CRHR1: variants seen among roughly 807,000 people sequenced by gnomAD.
CRHR1 encodes corticotropin releasing hormone receptor 1.
In CRHR1, 28 loss-of-function variants were observed where a neutral mutation model predicts 56.0. The observed-to-expected ratio is 0.50, with a 90% CI of 0.37 to 0.69. CRHR1 has a LOEUF of 0.69. Ranked by LOEUF, CRHR1 falls within the 30% of genes least tolerant of loss-of-function variation. The pLI, the probability that CRHR1 is intolerant of heterozygous loss-of-function variation, is 0.00. For missense variants in CRHR1, 376 were observed against 548.0 expected (o/e 0.69, Z 3.13); for synonymous variants, 195 against 216.5 (o/e 0.90, Z 0.87).
rs1363364010 is a variant in CRHR1 at position 45,834,806 on chromosome 17, G to T, written c.*42G>T. 21 of 1,611,198 alleles carry T rather than the reference G, an allele frequency of 1.3e-5. No homozygotes were observed. The highest frequency in any genetic ancestry group is 1.5e-5 in the Non-Finnish European group (18 of 1,178,882). Reference sequence around the variant, plus strand: ...GCAGCCCCCAAAGAGCTGTGGCTGGGGGGATGACGGCCAGGCTCCCTGACC... The same window carrying T: ...GCAGCCCCCAAAGAGCTGTGGCTGGTGGGATGACGGCCAGGCTCCCTGACC... On this transcript the variant is annotated 3_prime_UTR_variant, in exon 13 of 13. Coordinates refer to ENST00000314537, the MANE Select transcript of CRHR1 (RefSeq NM_004382.5).
intron 2 of CRHR1, among the ~76,000 whole-genome samples, chr17:45,809,313 GGA>G (rs1397924711): frequency 1.3e-5 from 2 of 152,194 alleles, no homozygotes; most frequent in African/African-American, 4.8e-5. Context: ...TGGAGTTCTA[GGA>G]GAGAGAGATG....
chr17:45,821,310 G>A (rs1384211406), intron 3 of CRHR1, 45 bp from the exon 4 acceptor site: 1 of 1,575,438 alleles, frequency 6.3e-7, no homozygotes, highest in Non-Finnish European at 8.7e-7. Context: ...GTCAGGCAGG[G>A]GCCGGGGCTG....
Position 45,834,936 on chromosome 17 carries a change from C to A in CRHR1, c.*172C>A. The A allele has an allele frequency of 1.1e-6, 1 of 875,642 alleles. No homozygotes were observed. Among genetic ancestry groups the A allele is most frequent in the Non-Finnish European group, 1.7e-6 (1 of 583,984 alleles). 54.2% of individuals were successfully genotyped at this position (875,642 alleles called of 1,614,324 possible). A position where few individuals can be genotyped will look rare whatever the true frequency, so the allele number is the denominator to read the frequency against. ...GCTCTCCCCCTGCAGCCGTGCAGGACTCTAGCTCATGAGTGGAAAGTCACC... is the reference window on the plus strand; with the variant it reads ...GCTCTCCCCCTGCAGCCGTGCAGGAATCTAGCTCATGAGTGGAAAGTCACC... On this transcript the variant is annotated 3_prime_UTR_variant, in exon 13 of 13. Coordinates refer to ENST00000314537, the MANE Select transcript of CRHR1 (RefSeq NM_004382.5).
chr17:45,788,759 T>G (rs1399025497), intron 1 of CRHR1, among the ~76,000 whole-genome samples: 1 of 152,246 alleles, frequency 6.6e-6, no homozygotes, highest in East Asian at 1.9e-4. Context: ...TCTTTTACCC[T>G]TCACGGCACT....
At chr17:45,819,051 G>A (rs1461656611) in intron 3 of CRHR1, among the ~76,000 whole-genome samples, 1 of 152,130 alleles carries the variant, frequency 6.6e-6, no homozygotes, top group Non-Finnish European at 1.5e-5. Context: ...TCCCCCACAT[G>A]TCAAGGGGGG....
At chr17:45,807,899 T>C (rs1272729265) in intron 2 of CRHR1, among the ~76,000 whole-genome samples, 1 of 152,166 alleles carries the variant, frequency 6.6e-6, no homozygotes, top group Non-Finnish European at 1.5e-5. Context: ...AGCCAGTACA[T>C]GGCAGTGACT....
intron 8 of CRHR1, among the ~76,000 whole-genome samples, chr17:45,831,791 C>T (rs138023057): frequency 1.6e-3 from 241 of 152,314 alleles, no homozygotes; most frequent in African/African-American, 5.1e-3. Context: ...TTCCCGGGAA[C>T]CTATCTGACT....
At chr17:45,829,785 A>T (rs974039261) in intron 5 of CRHR1, 1 of 928,284 alleles carries the variant, frequency 1.1e-6, no homozygotes, top group Non-Finnish European at 1.7e-6. Context: ...CTGGAATGGC[A>T]GGGAGTAGAA....
chr17:45,806,155 C>A (rs1004401962), intron 1 of CRHR1, among the ~76,000 whole-genome samples: 14 of 152,048 alleles, frequency 9.2e-5, no homozygotes, highest in East Asian at 5.8e-4. Flanking sequence ...CTAACCCTGT[C>A]GGGAGGGGGG....
chr17:45,789,901 T>C (rs990155094), intron 1 of CRHR1, among the ~76,000 whole-genome samples: 1 of 152,224 alleles, frequency 6.6e-6, no homozygotes, highest in African/African-American at 2.4e-5. Flanking sequence ...ATAATGACCA[T>C]GAGATGCCAG....
In CRHR1 at chr17:45,834,989, C is replaced by T. The variant is rs1307954314; in HGVS notation, c.*225C>T. 3 of 589,720 alleles carry T rather than the reference C, an allele frequency of 5.1e-6. No homozygotes were observed. The African/African-American group carries it at 5.6e-5, about 11-fold the overall frequency. The allele number at this position is 589,720 out of a possible 1,614,324, so 36.5% of individuals were successfully genotyped here. On this transcript the variant is annotated 3_prime_UTR_variant, in exon 13 of 13. Coordinates refer to ENST00000314537, the MANE Select transcript of CRHR1 (RefSeq NM_004382.5). ...CAGGACTGGGCCGGGCCCAGGGCCTCTGGCTTCCCTGCCCAATCCTCCCTG... is the reference window on the plus strand; with the variant it reads ...CAGGACTGGGCCGGGCCCAGGGCCTTTGGCTTCCCTGCCCAATCCTCCCTG...
chr17:45,797,326 T>C (rs1390281074), intron 1 of CRHR1, among the ~76,000 whole-genome samples: 4 of 141,590 alleles, frequency 2.8e-5, no homozygotes, highest in Admixed American at 1.4e-4. Context: ...AGTCTCGCTG[T>C]GTCACCCAGG....
intron 1 of CRHR1, among the ~76,000 whole-genome samples, chr17:45,798,753 C>T (rs964503122): frequency 3.6e-5 from 3 of 82,714 alleles, no homozygotes; most frequent in Non-Finnish European, 5.0e-5. Context: ...GGAGGGCGGG[C>T]GGGGGCACCC....
At chr17:45,833,059 TG>T in intron 8 of CRHR1, 78 bp from the exon 9 acceptor site, 1 of 1,309,156 alleles carries the variant, frequency 7.6e-7, no homozygotes, top group Non-Finnish European at 1.1e-6. Flanking sequence ...AGTCCTGTCC[TG>T]GCCAAGCACT....
At chr17:45,810,145 C>T (rs1421400180) in intron 2 of CRHR1, among the ~76,000 whole-genome samples, 2 of 152,174 alleles carry the variant, frequency 1.3e-5, no homozygotes, top group Non-Finnish European at 2.9e-5. Flanking sequence ...ATTAGCCGGG[C>T]TTGGTGGTGG....
chr17:45,809,204 G>A (rs2061773881), intron 2 of CRHR1, among the ~76,000 whole-genome samples: 2 of 152,200 alleles, frequency 1.3e-5, no homozygotes, highest in South Asian at 4.1e-4. Context: ...GGAGGGAGGA[G>A]TGGGAAACTG....
intron 1 of CRHR1, among the ~76,000 whole-genome samples, chr17:45,796,958 G>C (rs2061528753): frequency 6.6e-6 from 1 of 152,224 alleles, no homozygotes; most frequent in Non-Finnish European, 1.5e-5. Context: ...GGGAGCAAGT[G>C]AATGCATGAG....
At chr17:45,790,976 A>C (rs996004440) in intron 1 of CRHR1, among the ~76,000 whole-genome samples, 8 of 152,184 alleles carry the variant, frequency 5.3e-5, no homozygotes, top group Non-Finnish European at 8.8e-5. Flanking sequence ...CACAGAGCTG[A>C]AAGGCACCTG....
chr17:45,829,142 C>T, intron 4 of CRHR1, 73 bp from the exon 5 acceptor site: 1 of 1,192,104 alleles, frequency 8.4e-7, no homozygotes, highest in Non-Finnish European at 1.2e-6. Flanking sequence ...TCCCAGCCAC[C>T]CCTAGGCGAT....
Sources: allele counts gnomAD v4.1 joint callset (sites outside exome capture counted in the v4.1 genomes callset), GRCh38; gene constraint gnomAD v4.1.1; transcripts MANE v1.5; gene names NCBI Gene and HGNC (gene_info 2026-07-23, HGNC 2026-07-21).